Variants in CCDC88A observed in about 807,000 individuals in gnomAD.
CCDC88A encodes girdin.
CCDC88A carries 54 observed loss-of-function variants against 234.3 expected under a neutral mutation model. The ratio of observed to expected loss-of-function variants is 0.23; its 90% confidence interval spans 0.19 to 0.29. CCDC88A has a LOEUF of 0.29. Ranked by LOEUF, CCDC88A falls within the 10% of genes least tolerant of loss-of-function variation. The pLI, the probability that CCDC88A is intolerant of heterozygous loss-of-function variation, is 1.00. For synonymous variants in CCDC88A, 753 were observed against 737.8 expected, an observed-to-expected ratio of 1.02 and a Z score of -0.33; for missense variants, 1,832 against 2,123.4, an observed-to-expected ratio of 0.86 and a Z score of 2.70.
chr2:55,317,455 A>T lies in CCDC88A; in HGVS notation c.3603-106T>A, dbSNP rs1182890149. 7 of 1,147,956 alleles carry T rather than the reference A, an allele frequency of 6.1e-6. No individual in the cohort carries two copies. The highest frequency in any genetic ancestry group is 1.6e-5 in the African/African-American group (1 of 63,300). 71.1% of individuals were successfully genotyped at this position (1,147,956 alleles called of 1,614,324 possible). A position where few individuals can be genotyped will look rare whatever the true frequency, so the allele number is the denominator to read the frequency against. On this transcript the variant is annotated intron_variant, in intron 20 of 32. Coordinates refer to ENST00000436346, the MANE Select transcript of CCDC88A (RefSeq NM_001365480.1). The surrounding 1 kb of genome is among the most constrained non-coding windows in gnomAD (Gnocchi z 4.2). ...ATTTAAAACACATGTAAATTTATAT[A>T]AATTTCTTATGTAAACTAACATTAG...
intron 5 of CCDC88A, among the ~76,000 whole-genome samples, chr2:55,369,004 A>G (rs1672416428): frequency 6.6e-6 from 1 of 152,176 alleles, no homozygotes; most frequent in Non-Finnish European, 1.5e-5. Flanking sequence ...TTATATTATT[A>G]GTAGTAGTGG....
At chr2:55,344,903 G>A (rs1276516610) in intron 10 of CCDC88A, among the ~76,000 whole-genome samples, 1 of 152,092 alleles carries the variant, frequency 6.6e-6, no homozygotes, top group African/African-American at 2.4e-5. Context: ...GCTATAACTT[G>A]GAAGTGAAGG....
intron 21 of CCDC88A, among the ~76,000 whole-genome samples, chr2:55,316,480 T>C (rs566789985): frequency 1.8e-4 from 27 of 152,014 alleles, no homozygotes; most frequent in Non-Finnish European, 2.9e-4. Flanking sequence ...TTTTGGGAGG[T>C]AGAAGCAGGA....
At chr2:55,362,524 T>C (rs1363374816) in intron 6 of CCDC88A, 76 bp from the exon 7 acceptor site, 2 of 1,231,814 alleles carry the variant, frequency 1.6e-6, no homozygotes, top group African/African-American at 1.6e-5. Flanking sequence ...TAGTACAATA[T>C]TAGCCCAAGT....
At chr2:55,380,063 A>T (rs1674343698) in intron 3 of CCDC88A, among the ~76,000 whole-genome samples, 3 of 70,248 alleles carry the variant, frequency 4.3e-5, no homozygotes, top group Non-Finnish European at 9.0e-5. Flanking sequence ...GTCTCTACTA[A>T]AAAAAAAAAA....
intron 31 of CCDC88A, chr2:55,292,876 A>C (rs1415873727): frequency 6.6e-6 from 1 of 152,224 alleles, no homozygotes; most frequent in East Asian, 1.9e-4. Flanking sequence ...AACAAACAAA[A>C]AGAACTAGTG....
In CCDC88A at chr2:55,355,784, C is replaced by A. The variant is rs201924702; in HGVS notation, c.628-33G>T. On this transcript the variant is annotated intron_variant, in intron 7 of 32. Transcript: ENST00000436346. ...TACACACAGAATCACTTTCAGTATT[C>A]TACATATTAGCAAACTAAACACATC... The A allele has an allele frequency of 3.9e-5, 61 of 1,565,238 alleles. No individual in the cohort carries two copies. The Admixed American group carries it at 1.0e-3, about 27-fold the overall frequency.
intron 25 of CCDC88A, among the ~76,000 whole-genome samples, chr2:55,307,714 C>T (rs951263735): frequency 2.1e-5 from 3 of 142,172 alleles, no homozygotes; most frequent in Non-Finnish European, 4.4e-5. Flanking sequence ...GTCTTGAACT[C>T]CTGGCCTCAT....
In CCDC88A at chr2:55,328,438, A is replaced by G. The variant is rs200841190; in HGVS notation, c.2856-3T>C. 9 of 1,539,716 alleles carry G rather than the reference A, an allele frequency of 5.8e-6. No homozygotes were observed. Among genetic ancestry groups the G allele is most frequent in the South Asian group, 1.2e-5 (1 of 81,224 alleles). ...TTGATTCCAAAAGTTTATACCTACTATCCAAGTACAAAGTAATGTAGTTCA... is the reference window on the plus strand; with the variant it reads ...TTGATTCCAAAAGTTTATACCTACTGTCCAAGTACAAAGTAATGTAGTTCA... On this transcript the variant is annotated splice_polypyrimidine_tract_variant and splice_region_variant and intron_variant, in intron 16 of 32. Coordinates refer to ENST00000436346, the MANE Select transcript of CCDC88A (RefSeq NM_001365480.1). The surrounding 1 kb of genome is among the most constrained non-coding windows in gnomAD (Gnocchi z 4.3).
chr2:55,348,699 T>C (rs1343751675), intron 9 of CCDC88A: 1 of 152,188 alleles, frequency 6.6e-6, no homozygotes, highest in Non-Finnish European at 1.5e-5. Context: ...CCAAAAAGAC[T>C]GCTTTAGAGA....
intron 9 of CCDC88A, chr2:55,348,947 G>A (rs1558717702): frequency 6.6e-6 from 1 of 152,182 alleles, no homozygotes; most frequent in Non-Finnish European, 1.5e-5. Flanking sequence ...CTAATCCTTA[G>A]CACTTATGGA....
chr2:55,400,195 T>C (rs1678374963), intron 2 of CCDC88A, among the ~76,000 whole-genome samples: 2 of 152,224 alleles, frequency 1.3e-5, no homozygotes, highest in African/African-American at 4.8e-5. Context: ...CAGGCTCTTT[T>C]TGAAAGCATA....
chr2:55,304,156 C>G (rs1214407467), intron 25 of CCDC88A, among the ~76,000 whole-genome samples: 1 of 150,012 alleles, frequency 6.7e-6, no homozygotes, highest in Non-Finnish European at 1.5e-5. Context: ...AAAAAATTAG[C>G]CATGTGTGGT....
At chr2:55,404,430 A>G (rs1394353171) in intron 2 of CCDC88A, 2 of 152,126 alleles carry the variant, frequency 1.3e-5, no homozygotes, top group Non-Finnish European at 1.5e-5. Flanking sequence ...AGTGTACCAG[A>G]AAAGTGCTCC....
chr2:55,366,786 A>G (rs1672036508), intron 5 of CCDC88A, among the ~76,000 whole-genome samples: 1 of 152,196 alleles, frequency 6.6e-6, no homozygotes, highest in African/African-American at 2.4e-5. Flanking sequence ...TGGAAAAGCT[A>G]TACTAAAATA....
At chr2:55,324,947 T>G (rs1368113853) in intron 17 of CCDC88A, among the ~76,000 whole-genome samples, 1 of 152,186 alleles carries the variant, frequency 6.6e-6, no homozygotes, top group African/African-American at 2.4e-5. Flanking sequence ...TGCCTGGCCA[T>G]GGGCCAGGAC....
Position 55,388,778 on chromosome 2 carries a change from C to A in CCDC88A, c.273G>T (p.Gln91His). ...ILVRQIKFYY[Q>H]ETLQQLIMMS... ...CCAGATTTTTAAAAAGAGCACTTAC[C>A]TGGTAATAAAATTTTATCTGTCTCA... Residue 91 changes from glutamine (Q) to histidine (H), a missense_variant and splice_region_variant, in exon 3 of 33, where the codon CAG becomes CAT. By Grantham distance (24) the Gln-to-His change is conservative. This residue lies in a region of CCDC88A where 84 missense variants were observed against 80.9 expected (regional missense o/e 1.04). Coordinates refer to ENST00000436346, the MANE Select transcript of CCDC88A (RefSeq NM_001365480.1). 8.3e-7 allele frequency: 1 copy of A among 1,201,804 alleles called. No homozygotes were observed. The highest frequency in any genetic ancestry group is 2.5e-5 in the East Asian group (1 of 39,398). 74.4% of individuals were successfully genotyped at this position (1,201,804 alleles called of 1,614,324 possible).
At position 55,328,402 on chromosome 2, in the gene CCDC88A, G is replaced by A; in HGVS notation, c.2889C>T (p.Ser963=). 1 of 1,585,074 alleles carries A rather than the reference G, an allele frequency of 6.3e-7. No homozygotes were observed. The highest frequency in any genetic ancestry group is 1.7e-4 in the Middle Eastern group (1 of 5,814). Residue 963 remains serine (S), a synonymous_variant, in exon 17 of 33, where the codon TCC becomes TCT. Transcript: ENST00000436346. The surrounding 1 kb of genome is among the most constrained non-coding windows in gnomAD (Gnocchi z 4.3). The part of the protein sequence containing the change: ...RYKLLESKLE[S]TLKKSLEIKE... ...TTATTTCAAGAGACTTCTTAAGAGT[G>A]GATTCTAATTTTGATTCCAAAAGTT...
At chr2:55,394,316 T>C (rs1295770112) in intron 2 of CCDC88A, 1 of 152,206 alleles carries the variant, frequency 6.6e-6, no homozygotes, top group Non-Finnish European at 1.5e-5. Flanking sequence ...CACATTTTCT[T>C]AATCCAGTCT....
Sources: allele counts gnomAD v4.1 joint callset (sites outside exome capture counted in the v4.1 genomes callset), GRCh38; gene constraint gnomAD v4.1.1; regional missense constraint gnomAD v4.1.1; non-coding constraint Gnocchi (gnomAD v3.1); transcripts MANE v1.5; gene names NCBI Gene and HGNC (gene_info 2026-07-23, HGNC 2026-07-21).